Variants in B3GALT1 observed in about 807,000 individuals in gnomAD.
The protein encoded by B3GALT1 is beta-1,3-galactosyltransferase 1, also known as UDP-Gal:betaGlcNAc beta 1,3-galactosyltransferase, polypeptide 1.
Under a neutral mutation model 23.2 loss-of-function variants are expected in B3GALT1, and 10 were observed. The ratio of observed to expected loss-of-function variants is 0.43; its 90% CI spans 0.27 to 0.73. The LOEUF is 0.73. Among genes scored for constraint, B3GALT1 ranks in the 30% least tolerant of loss-of-function variants. The probability of loss-of-function intolerance (pLI) is 0.21; values close to 1 mark genes in which losing one functional copy is unlikely to be tolerated. For missense variants in B3GALT1, 299 were observed against 405.4 expected, an observed-to-expected ratio of 0.74 and a Z score of 2.25; for synonymous variants, 156 against 141.5, an observed-to-expected ratio of 1.10 and a Z score of -0.73.
chr2:167,436,572 C>G (rs1028206204), intron 1 of B3GALT1, among the ~76,000 whole-genome samples: 1 of 152,194 alleles, frequency 6.6e-6, no homozygotes, highest in Middle Eastern at 3.2e-3. Context: ...TTACATGCCT[C>G]TCTCCATTGG....
intron 1 of B3GALT1, among the ~76,000 whole-genome samples, chr2:167,355,809 A>G (rs761290531): frequency 6.2e-4 from 95 of 152,198 alleles, no homozygotes; most frequent in Non-Finnish European, 1.2e-3. Context: ...CTTAATACCA[A>G]ATATCCGTAA....
chr2:167,731,925 C>G (rs567213274), intron 3 of B3GALT1, among the ~76,000 whole-genome samples: 5 of 152,320 alleles, frequency 3.3e-5, no homozygotes, highest in Admixed American at 2.0e-4. Flanking sequence ...TTCCTCAACC[C>G]TTAGAACTTA....
intron 4 of B3GALT1, among the ~76,000 whole-genome samples, chr2:167,844,741 C>T (rs1467242932): frequency 6.6e-6 from 1 of 152,188 alleles, no homozygotes; most frequent in Non-Finnish European, 1.5e-5. Flanking sequence ...GGCGAGAAGC[C>T]TCCTGGCCAG....
At chr2:167,405,919 T>C (rs1698266511) in intron 1 of B3GALT1, among the ~76,000 whole-genome samples, 1 of 152,006 alleles carries the variant, frequency 6.6e-6, no homozygotes, top group South Asian at 2.1e-4. Flanking sequence ...ATTGAATAAA[T>C]GAAGTATGTA....
intron 2 of B3GALT1, among the ~76,000 whole-genome samples, chr2:167,529,058 T>C (rs930945552): frequency 1.3e-5 from 2 of 152,124 alleles, no homozygotes; most frequent in African/African-American, 4.8e-5. Context: ...TCCAGTAGTC[T>C]CCCATCTCAC....
At chr2:167,820,898 C>T (rs1318620187) in intron 4 of B3GALT1, among the ~76,000 whole-genome samples, 2 of 152,134 alleles carry the variant, frequency 1.3e-5, no homozygotes, top group African/African-American at 2.4e-5. Context: ...ATATTCCTGG[C>T]GATGCTTTAA....
chr2:167,362,878 C>T (rs541888203), intron 1 of B3GALT1, among the ~76,000 whole-genome samples: 13 of 152,114 alleles, frequency 8.5e-5, no homozygotes, highest in Admixed American at 2.6e-4. Context: ...TTTTTTGAGA[C>T]GGAGTCTCGC....
intron 3 of B3GALT1, among the ~76,000 whole-genome samples, chr2:167,742,297 G>A (rs1687588478): frequency 6.6e-6 from 1 of 152,182 alleles, no homozygotes; most frequent in African/African-American, 2.4e-5. Flanking sequence ...GATGGATGCA[G>A]AGTACACTGC....
intron 2 of B3GALT1, among the ~76,000 whole-genome samples, chr2:167,500,401 C>T (rs1205751695): frequency 6.6e-6 from 1 of 152,108 alleles, no homozygotes; most frequent in African/African-American, 2.4e-5. Context: ...TTTTATATCA[C>T]CACTTTAAAT....
At chr2:167,352,274 TTTTTTG>T (rs1462966438) in intron 1 of B3GALT1, among the ~76,000 whole-genome samples, 917 of 6,272 alleles carry the variant, frequency 0.15, 11 homozygotes, top group East Asian at 0.43. Flanking sequence ...GCCTGTTTTT[TTTTTTG>T]TTTTTTTTTT....
At chr2:167,575,990 C>A (rs1032117002) in intron 2 of B3GALT1, among the ~76,000 whole-genome samples, 3 of 151,624 alleles carry the variant, frequency 2.0e-5, no homozygotes, top group Non-Finnish European at 4.4e-5. Context: ...TAATCTTATA[C>A]CCTTAATAAA....
At chr2:167,459,444 A>G (rs1430925849) in intron 1 of B3GALT1, among the ~76,000 whole-genome samples, 1 of 152,150 alleles carries the variant, frequency 6.6e-6, no homozygotes, top group African/African-American at 2.4e-5. Context: ...ATAAAATTAC[A>G]TCTTTGCATG....
intron 1 of B3GALT1, among the ~76,000 whole-genome samples, chr2:167,301,917 C>T (rs1251972017): frequency 6.6e-6 from 1 of 152,066 alleles, no homozygotes; most frequent in Non-Finnish European, 1.5e-5. Context: ...AATGTCTCCT[C>T]AATAGGTAAA....
chr2:167,707,479 A>G (rs1014441879), intron 3 of B3GALT1, among the ~76,000 whole-genome samples: 5 of 151,198 alleles, frequency 3.3e-5, no homozygotes, highest in Non-Finnish European at 1.5e-5. Context: ...TCTTTCCTGT[A>G]TACTCTGCAG....
At chr2:167,847,005 CAAAG>C (rs770600949) in intron 4 of B3GALT1, among the ~76,000 whole-genome samples, 1 of 152,158 alleles carries the variant, frequency 6.6e-6, no homozygotes, top group African/African-American at 2.4e-5. Flanking sequence ...TTAAAAGAGA[CAAAG>C]AGAGACACTA....
chr2:167,563,483 G>A (rs1181216453), intron 2 of B3GALT1, among the ~76,000 whole-genome samples: 12 of 100,440 alleles, frequency 1.2e-4, no homozygotes, highest in African/African-American at 4.3e-4. Context: ...CAGTAGGGGC[G>A]GCCGGGCAGA....
At chr2:167,737,951 C>T (rs1056998912) in intron 3 of B3GALT1, among the ~76,000 whole-genome samples, 3 of 152,130 alleles carry the variant, frequency 2.0e-5, no homozygotes, top group East Asian at 1.9e-4. Flanking sequence ...ATGCCTTTCC[C>T]GGACCTGAGA....
At chr2:167,436,214 C>T (rs1259708229) in intron 1 of B3GALT1, among the ~76,000 whole-genome samples, 2 of 152,120 alleles carry the variant, frequency 1.3e-5, no homozygotes, top group African/African-American at 4.8e-5. Context: ...TACAATCTGG[C>T]TCTTGATGAC....
At chr2:167,722,971 T>G (rs987172966) in intron 3 of B3GALT1, among the ~76,000 whole-genome samples, 2 of 152,330 alleles carry the variant, frequency 1.3e-5, no homozygotes, top group Admixed American at 6.5e-5. Flanking sequence ...TTGAAAGGTC[T>G]AAATTCCTTA....
Sources: gnomAD v4.1 joint callset for allele counts (sites outside exome capture counted in the v4.1 genomes callset) on GRCh38, gnomAD v4.1.1 for gene constraint, MANE v1.5 for transcripts, NCBI Gene and HGNC (gene_info 2026-07-23, HGNC 2026-07-21) for gene names.